Variants in RBFOX1 observed in about 807,000 individuals in gnomAD.
The protein encoded by RBFOX1 is RNA binding protein fox-1 homolog 1.
Under a neutral mutation model 57.7 loss-of-function variants are expected in RBFOX1, and 8 were observed. The observed-to-expected ratio is 0.14, with a 90% CI of 0.08 to 0.25. RBFOX1 has a LOEUF of 0.25. Ranked by LOEUF, RBFOX1 falls within the 10% of genes least tolerant of loss-of-function variation. The pLI, the probability that RBFOX1 is intolerant of heterozygous loss-of-function variation, is 1.00. For synonymous variants in RBFOX1, 326 were observed against 222.4 expected (o/e 1.47, Z -4.15); for missense variants, 611 against 548.5 (o/e 1.11, Z -1.14).
At chr16:5,608,602 G>GGA (rs2047669906) in intron 3 of RBFOX1, among the ~76,000 whole-genome samples, 1 of 152,224 alleles carries the variant, frequency 6.6e-6, no homozygotes, top group Non-Finnish European at 1.5e-5. Flanking sequence ...TAAAGCCTTA[G>GGA]GAGAGAGCAC....
intron 1 of RBFOX1, among the ~76,000 whole-genome samples, chr16:6,304,020 C>T (rs528919408): frequency 6.6e-6 from 1 of 151,454 alleles, no homozygotes; most frequent in African/African-American, 2.4e-5. Context: ...CCATGTTGAT[C>T]AGGCTCGTCT....
intron 3 of RBFOX1, among the ~76,000 whole-genome samples, chr16:5,607,459 T>G (rs1436544009): frequency 2.6e-5 from 4 of 152,152 alleles, no homozygotes; most frequent in Non-Finnish European, 4.4e-5. Context: ...GAAATCTATT[T>G]AGTGATTTCC....
At chr16:5,626,272 G>C (rs528413869) in intron 3 of RBFOX1, among the ~76,000 whole-genome samples, 23 of 152,282 alleles carry the variant, frequency 1.5e-4, no homozygotes, top group Non-Finnish European at 2.2e-4. Context: ...GTGTTGGCAG[G>C]GTTGGTTTCT....
chr16:5,398,270 C>T (rs375276502), intron 1 of RBFOX1, among the ~76,000 whole-genome samples: 42 of 151,732 alleles, frequency 2.8e-4, no homozygotes, highest in Non-Finnish European at 4.3e-4. Context: ...TGGGTGTGCA[C>T]GTGCTGGTGT....
intron 4 of RBFOX1, among the ~76,000 whole-genome samples, chr16:7,239,174 G>C (rs1386653379): frequency 6.6e-6 from 1 of 152,036 alleles, no homozygotes; most frequent in Non-Finnish European, 1.5e-5. Context: ...TATATGATGA[G>C]GCTACTTCTA....
At chr16:5,389,995 G>A (rs541469642) in intron 1 of RBFOX1, among the ~76,000 whole-genome samples, 1 of 152,086 alleles carries the variant, frequency 6.6e-6, no homozygotes, top group East Asian at 1.9e-4. Flanking sequence ...CACCATGCCC[G>A]GCCTGCTTTT....
In RBFOX1 at chr16:7,607,331, C is replaced by G; in HGVS notation, c.669C>G (p.Phe223Leu). ...TGGGTGCAGTCTACAGTCCCGAATTCTATGCAGGTACAGAGTTTCTCTTTG... is the reference window on the plus strand; with the variant it reads ...TGGGTGCAGTCTACAGTCCCGAATTGTATGCAGGTACAGAGTTTCTCTTTG... The part of the protein sequence containing the change: ...PVVGAVYSPE[F>L]YAGTVLLCQA... Residue 223 changes from phenylalanine (F) to leucine (L), a missense_variant, in exon 10 of 16, where the codon TTC (phenylalanine) becomes TTG (leucine). Coordinates refer to ENST00000550418, the MANE Select transcript of RBFOX1 (RefSeq NM_018723.4). 6.2e-7 allele frequency: 1 copy of G among 1,610,450 alleles called. No homozygotes were observed. The highest frequency in any genetic ancestry group is 2.2e-5 in the East Asian group (1 of 44,746).
intron 3 of RBFOX1, among the ~76,000 whole-genome samples, chr16:6,809,608 T>C (rs2087893454): frequency 6.6e-6 from 1 of 152,108 alleles, no homozygotes; most frequent in African/African-American, 2.4e-5. Flanking sequence ...TGGTACAGAA[T>C]TGCTACCCCA....
At chr16:6,400,661 G>A (rs752403982) in intron 2 of RBFOX1, among the ~76,000 whole-genome samples, 4 of 152,156 alleles carry the variant, frequency 2.6e-5, no homozygotes, top group Non-Finnish European at 4.4e-5. Context: ...AGGCGGGCAA[G>A]TTACTTGAAA....
intron 4 of RBFOX1, among the ~76,000 whole-genome samples, chr16:7,110,924 A>G (rs571063402): frequency 5.8e-4 from 88 of 152,270 alleles, no homozygotes; most frequent in African/African-American, 2.0e-3. Flanking sequence ...TGGGTAGTAA[A>G]AGGACACCAG....
At chr16:6,706,770 C>T (rs898073067) in intron 3 of RBFOX1, among the ~76,000 whole-genome samples, 1 of 150,992 alleles carries the variant, frequency 6.6e-6, no homozygotes, top group African/African-American at 2.4e-5. Flanking sequence ...AGACATACGG[C>T]CAGAGCTGAC....
intron 4 of RBFOX1, among the ~76,000 whole-genome samples, chr16:7,125,916 C>T (rs922476668): frequency 6.6e-6 from 1 of 152,108 alleles, no homozygotes; most frequent in African/African-American, 2.4e-5. Flanking sequence ...AACTCCATCT[C>T]TACTAAAAAT....
intron 2 of RBFOX1, among the ~76,000 whole-genome samples, chr16:6,555,725 A>T (rs1217803315): frequency 1.3e-5 from 2 of 152,040 alleles, no homozygotes; most frequent in African/African-American, 2.4e-5. Context: ...AAAACAAACA[A>T]ACAAAAAAGA....
chr16:5,252,894 C>A (rs1258967255), intron 1 of RBFOX1, among the ~76,000 whole-genome samples: 1 of 152,218 alleles, frequency 6.6e-6, no homozygotes, highest in Non-Finnish European at 1.5e-5. Context: ...TTAGAAGCTT[C>A]TCCCTCCTGG....
At chr16:7,250,003 AT>A (rs2094449112) in intron 4 of RBFOX1, among the ~76,000 whole-genome samples, 1 of 152,160 alleles carries the variant, frequency 6.6e-6, no homozygotes, top group Non-Finnish European at 1.5e-5. Context: ...TCCAATTGCC[AT>A]TTTTATAAAA....
intron 3 of RBFOX1, among the ~76,000 whole-genome samples, chr16:5,756,139 T>G (rs906885463): frequency 2.1e-5 from 3 of 141,956 alleles, no homozygotes; most frequent in Non-Finnish European, 4.5e-5. Flanking sequence ...CTCAGGGACT[T>G]ACAAACCAGA....
intron 3 of RBFOX1, among the ~76,000 whole-genome samples, chr16:5,734,654 G>A (rs895484224): frequency 2.6e-5 from 4 of 152,080 alleles, no homozygotes; most frequent in African/African-American, 7.2e-5. Flanking sequence ...CCTGCCTGTC[G>A]CCTTCCTCTT....
intron 1 of RBFOX1, among the ~76,000 whole-genome samples, chr16:6,106,349 T>G (rs1394707402): frequency 1.3e-5 from 2 of 151,244 alleles, no homozygotes; most frequent in Non-Finnish European, 2.9e-5. Context: ...TAATATCAGC[T>G]ACTCCACTAG....
At chr16:6,726,247 G>A (rs577704595) in intron 3 of RBFOX1, among the ~76,000 whole-genome samples, 1 of 152,074 alleles carries the variant, frequency 6.6e-6, no homozygotes, top group Non-Finnish European at 1.5e-5. Context: ...CCCAGCAAGG[G>A]AAATTTTTGA....
Sources: allele counts gnomAD v4.1 joint callset (sites outside exome capture counted in the v4.1 genomes callset), GRCh38; gene constraint gnomAD v4.1.1; transcripts MANE v1.5; gene names NCBI Gene and HGNC (gene_info 2026-07-23, HGNC 2026-07-21).